AZIN1: variants seen among roughly 807,000 people sequenced by gnomAD.
The protein encoded by AZIN1 is ornithine decarboxylase antizyme inhibitor.
A neutral mutation model predicts 47.4 loss-of-function variants in AZIN1; 12 were observed. The ratio of observed to expected loss-of-function variants is 0.25; its 90% confidence interval spans 0.16 to 0.41. AZIN1 has a LOEUF of 0.41. Ranked by LOEUF, AZIN1 falls within the 10% of genes least tolerant of loss-of-function variation. AZIN1 has a pLI of 1.00. For synonymous variants in AZIN1, 155 were observed against 176.3 expected (o/e 0.88, Z 0.96); for missense variants, 410 against 532.4 (o/e 0.77, Z 2.26).
rs1295085496 is a variant in AZIN1, at chr8:102,839,639, A to C, written c.276+11T>G. Reference sequence around the variant, plus strand: ...ATGTTTCAGTTTAGTTAAAAAATGAAAAATACTTACTTTACTGGAACAAGC... The same window carrying C: ...ATGTTTCAGTTTAGTTAAAAAATGACAAATACTTACTTTACTGGAACAAGC... On this transcript the variant is annotated intron_variant, in intron 4 of 11. Transcript: ENST00000337198. The C allele has an allele frequency of 4.6e-6, 7 of 1,517,684 alleles. No homozygotes were observed. In the Admixed American group the frequency reaches 1.1e-4, roughly 23 times the overall value. 94.0% of individuals were successfully genotyped at this position (1,517,684 alleles called of 1,614,324 possible).
chr8:102,839,652 T>C lies in AZIN1; in HGVS notation c.274A>G (p.Lys92Glu). The C allele has an allele frequency of 6.5e-7, 1 of 1,547,416 alleles. No individual in the cohort carries two copies. The highest frequency in any genetic ancestry group is 8.7e-7 in the Non-Finnish European group (1 of 1,146,604). ...GTTAAAAAATGAAAAATACTTACTT[T>C]ACTGGAACAAGCAAATCCGGTTCCA... ...ALGTGFACSS[K>E]NEMALVQELG... The change falls in exon 4 of 12, where the codon AAA becomes GAA. Residue 92 changes from lysine (K) to glutamate (E), a missense_variant and splice_region_variant. By Grantham distance (56) the Lys-to-Glu change is moderately conservative (BLOSUM62 1). Around this residue, in one of 3 missense-constraint regions of AZIN1, gnomAD observed 237 missense variants for 309.4 expected, o/e 0.77. Transcript: ENST00000337198.
rs1303728856 is a variant in AZIN1, at chr8:102,836,388, A to G, written c.452T>C (p.Val151Ala). 6.2e-7 allele frequency: 1 copy of G among 1,613,704 alleles called. No homozygotes were observed. ...KIARNHPNAKVLLHIATEDNI... is the reference protein window; with the variant it reads ...KIARNHPNAKALLHIATEDNI... The stretch of plus-strand genomic sequence containing the variant: ...ATCTTCTGTTGCAATATGTAGTAAG[A>G]CCCTAAGAGAAGGGGAGATGATTGG... The change falls in exon 6 of 12, where the codon GTC becomes GCC. Residue 151 changes from valine to alanine, a missense_variant and splice_region_variant. Physicochemically the swap from Val to Ala is moderately conservative, Grantham distance 64. This residue lies in a region of AZIN1 where 237 missense variants were observed against 309.4 expected (regional missense o/e 0.77). Transcript: ENST00000337198.
In AZIN1 at chr8:102,843,589, C is replaced by T; in HGVS notation, c.64G>A (p.Gly22Arg). 1 of 1,613,980 alleles carries T rather than the reference C, an allele frequency of 6.2e-7. No individual in the cohort carries two copies. The highest frequency in any genetic ancestry group is 8.5e-7 in the Non-Finnish European group (1 of 1,179,930). The change falls in exon 3 of 12, where the codon GGA becomes AGA. Residue 22 changes from glycine to arginine, a missense_variant. Gly to Arg is a moderately radical substitution (Grantham distance 125). Around this residue, in one of 3 missense-constraint regions of AZIN1, gnomAD observed 237 missense variants for 309.4 expected, o/e 0.77. Coordinates refer to ENST00000337198, the MANE Select transcript of AZIN1 (RefSeq NM_148174.4). The part of the protein sequence containing the change: ...VGLLDEGTNL[G>R]NVIDNYVYEH... ...TAAACATAGTTATCAATAACATTTCCAAGGTTTGTTCCTTCATCCAACAGG... is the reference window on the plus strand; with the variant it reads ...TAAACATAGTTATCAATAACATTTCTAAGGTTTGTTCCTTCATCCAACAGG...
intron 6 of AZIN1, among the ~76,000 whole-genome samples, chr8:102,835,740 T>C (rs1382307773): frequency 1.3e-5 from 2 of 152,314 alleles, no homozygotes; most frequent in African/African-American, 2.4e-5. Context: ...AAAGTAGCAA[T>C]GGGCTGGCAA....
At chr8:102,836,674 T>C (rs1443317439) in intron 5 of AZIN1, 2 of 326,028 alleles carry the variant, frequency 6.1e-6, no homozygotes, top group South Asian at 6.5e-5. Flanking sequence ...AAAGACGACA[T>C]TACTTTCAAA....
chr8:102,840,415 T>C (rs1413488064), intron 3 of AZIN1, among the ~76,000 whole-genome samples: 1 of 152,164 alleles, frequency 6.6e-6, no homozygotes, highest in Non-Finnish European at 1.5e-5. Context: ...CAATCATAGC[T>C]TACTACAGCC....
intron 1 of AZIN1, among the ~76,000 whole-genome samples, chr8:102,861,719 A>T (rs889160600): frequency 1.3e-5 from 2 of 152,120 alleles, no homozygotes; most frequent in Admixed American, 1.3e-4. Context: ...AGTCTGGAAT[A>T]GACGAAAATA....
intron 8 of AZIN1, among the ~76,000 whole-genome samples, chr8:102,833,946 G>C (rs906049156): frequency 6.6e-6 from 1 of 150,804 alleles, no homozygotes; most frequent in Non-Finnish European, 1.5e-5. Flanking sequence ...AATCATTTGT[G>C]CCATTAAGTA....
intron 2 of AZIN1, among the ~76,000 whole-genome samples, chr8:102,856,614 C>A (rs1813311270): frequency 6.6e-6 from 1 of 152,214 alleles, no homozygotes; most frequent in Non-Finnish European, 1.5e-5. Flanking sequence ...TTATTACGGT[C>A]TTCCTCAAAA....
intron 3 of AZIN1, among the ~76,000 whole-genome samples, chr8:102,842,676 C>T (rs1812279824): frequency 6.6e-6 from 1 of 150,446 alleles, no homozygotes; most frequent in Non-Finnish European, 1.5e-5. Context: ...CATTGCCCTC[C>T]AGCCTGGGAT....
rs1563551334 is a variant in AZIN1, at chr8:102,858,147, C to T, written c.-230G>A. 5.0e-6 allele frequency: 2 copies of T among 398,674 alleles called. No homozygotes were observed. Among genetic ancestry groups the T allele is most frequent in the Non-Finnish European group, 8.8e-6 (2 of 225,998 alleles). 24.7% of individuals were successfully genotyped at this position (398,674 alleles called of 1,614,324 possible). A position where few individuals can be genotyped will look rare whatever the true frequency, so the allele number is the denominator to read the frequency against. On this transcript the variant is annotated 5_prime_UTR_variant, in exon 2 of 12. Transcript: ENST00000337198. The stretch of plus-strand genomic sequence containing the variant: ...TAGTTGTATACTTGGTCAGAAAGTT[C>T]GCCCTAAAAGAAGGAAATAAAAGTA...
intron 6 of AZIN1, chr8:102,834,986 A>C (rs1811726046): frequency 4.3e-6 from 2 of 460,644 alleles, no homozygotes; most frequent in Non-Finnish European, 7.7e-6. Context: ...CTTAACAATA[A>C]GTCAATTATC....
At chr8:102,856,097 T>TTTG in intron 2 of AZIN1, 1 of 150,926 alleles carries the variant, frequency 6.6e-6, no homozygotes. Flanking sequence ...TTTTTTGTTT[T>TTTG]TTTTTTTTTT....
At chr8:102,829,146 C>A (rs776205198) in intron 11 of AZIN1, 126 bp downstream of exon 11, 62 of 806,314 alleles carry the variant, frequency 7.7e-5, no homozygotes, top group Non-Finnish European at 1.2e-4. Context: ...CATTAAGTAA[C>A]TACACTGTAT....
intron 2 of AZIN1, among the ~76,000 whole-genome samples, chr8:102,852,609 A>C (rs1393688068): frequency 6.6e-6 from 1 of 152,150 alleles, no homozygotes; most frequent in African/African-American, 2.4e-5. Context: ...TTAATACAAA[A>C]ATTAGCAGGG....
chr8:102,834,151 G>A, intron 8 of AZIN1, 38 bp downstream of exon 8: 1 of 1,540,664 alleles, frequency 6.5e-7, no homozygotes, highest in Non-Finnish European at 8.9e-7. Context: ...AACAAAGAAA[G>A]CAATTATTCT....
chr8:102,845,216 C>T (rs111494415), intron 2 of AZIN1, among the ~76,000 whole-genome samples: 3 of 146,564 alleles, frequency 2.0e-5, no homozygotes, highest in Admixed American at 7.0e-5. Flanking sequence ...TACTCCATTT[C>T]GATGGTTCTT....
intron 6 of AZIN1, chr8:102,835,409 A>G (rs1242096912): frequency 6.6e-6 from 1 of 152,422 alleles, no homozygotes; most frequent in Non-Finnish European, 1.5e-5. Context: ...ATGGAATGTT[A>G]TCTATTGTGT....
chr8:102,851,168 A>T (rs1405233552), intron 2 of AZIN1, among the ~76,000 whole-genome samples: 9 of 152,218 alleles, frequency 5.9e-5, no homozygotes, highest in Non-Finnish European at 1.3e-4. Context: ...GGCAATTAAG[A>T]TGTGATAACA....
Sources: gnomAD v4.1 joint callset for allele counts (sites outside exome capture counted in the v4.1 genomes callset) on GRCh38, gnomAD v4.1.1 for gene constraint, gnomAD v4.1.1 regional missense constraint, MANE v1.5 for transcripts, NCBI Gene and HGNC (gene_info 2026-07-23, HGNC 2026-07-21) for gene names.